SHISA6: variants seen among roughly 807,000 people sequenced by gnomAD.
SHISA6 encodes protein shisa-6.
Under a neutral mutation model 47.9 loss-of-function variants are expected in SHISA6, and 22 were observed. The ratio of observed to expected loss-of-function variants is 0.46; its 90% CI spans 0.33 to 0.66. The LOEUF (loss-of-function observed/expected upper bound fraction) is 0.66, where lower values mean the gene tolerates loss of function less well. SHISA6 is among the 30% of genes least tolerant of loss of function. The pLI, the probability that SHISA6 is intolerant of heterozygous loss-of-function variation, is 0.02. For synonymous variants in SHISA6, 388 were observed against 337.8 expected (o/e 1.15, Z -1.63); for missense variants, 680 against 764.6 (o/e 0.89, Z 1.30).
chr17:11,554,116 G>A (rs990666989), intron 4 of SHISA6, among the ~76,000 whole-genome samples: 6 of 152,202 alleles, frequency 3.9e-5, no homozygotes, highest in African/African-American at 1.4e-4. Context: ...CCAACAGGCA[G>A]AAGGAGGTTC....
chr17:11,414,423 G>T (rs568489920), intron 3 of SHISA6, among the ~76,000 whole-genome samples: 12 of 152,110 alleles, frequency 7.9e-5, no homozygotes, highest in Non-Finnish European at 1.5e-4. Context: ...ATGCCACTGG[G>T]TTCCTGTTGA....
chr17:11,333,794 G>C (rs1044178058), intron 2 of SHISA6, among the ~76,000 whole-genome samples: 1 of 152,148 alleles, frequency 6.6e-6, no homozygotes, highest in African/African-American at 2.4e-5. Flanking sequence ...CAGCACTTTA[G>C]GAGGCCAAGG....
At chr17:11,269,405 T>C (rs1364184142) in intron 2 of SHISA6, among the ~76,000 whole-genome samples, 1 of 152,100 alleles carries the variant, frequency 6.6e-6, no homozygotes, top group Non-Finnish European at 1.5e-5. Flanking sequence ...CAGAACTCCA[T>C]GGGTCAGCGC....
At chr17:11,401,530 G>A (rs974442356) in intron 3 of SHISA6, among the ~76,000 whole-genome samples, 1 of 152,150 alleles carries the variant, frequency 6.6e-6, no homozygotes, top group Non-Finnish European at 1.5e-5. Flanking sequence ...TTTAGAAGGA[G>A]TTTTTGGAAT....
intron 3 of SHISA6, among the ~76,000 whole-genome samples, chr17:11,475,997 C>T (rs1267375638): frequency 6.6e-6 from 1 of 151,912 alleles, no homozygotes; most frequent in Non-Finnish European, 1.5e-5. Context: ...TGTATTTCCT[C>T]TTGTGTGAGT....
intron 3 of SHISA6, among the ~76,000 whole-genome samples, chr17:11,432,853 A>T (rs527611694): frequency 6.6e-6 from 1 of 152,264 alleles, no homozygotes; most frequent in East Asian, 1.9e-4. Flanking sequence ...AGAATAGGCA[A>T]ATCTATAGAA....
intron 2 of SHISA6, among the ~76,000 whole-genome samples, chr17:11,280,023 G>A (rs11650183): frequency 0.22 from 33,749 of 152,108 alleles, 3,821 homozygotes; most frequent in African/African-American, 0.24. Context: ...CAAAAGGGCT[G>A]CTTGGGCGTT....
In SHISA6 at chr17:11,458,413, A is replaced by G. The variant is rs115703683; in HGVS notation, c.895+78904A>G. ...GTTGTCAGGGAATAAAGAAAGCTCA[A>G]TATCCCAAGGAGTGAGCTCTGAGCC... is the stretch of plus-strand genomic sequence containing the variant. On this transcript the variant is annotated intron_variant, in intron 3 of 5. Coordinates refer to ENST00000441885, the MANE Select transcript of SHISA6 (RefSeq NM_207386.4). Among the ~76,000 whole-genome samples, 265 of 152,262 alleles carry G rather than the reference A, an allele frequency of 1.7e-3. 1 individual carries two copies. The highest frequency in any genetic ancestry group is 6.0e-3 in the African/African-American group (250 of 41,548).
At chr17:11,546,322 T>C (rs1176270965) in intron 3 of SHISA6, among the ~76,000 whole-genome samples, 1 of 152,180 alleles carries the variant, frequency 6.6e-6, no homozygotes, top group African/African-American at 2.4e-5. Flanking sequence ...GTCTGGGCTT[T>C]GCGGAGAAGG....
intron 3 of SHISA6, among the ~76,000 whole-genome samples, chr17:11,415,802 G>C (rs1043654701): frequency 1.3e-5 from 2 of 152,064 alleles, no homozygotes; most frequent in African/African-American, 4.8e-5. Flanking sequence ...TTTCCAAACT[G>C]TATTTCCTAG....
chr17:11,394,998 C>CTTTTTTTTTTTTTTTTTT (rs772109588), intron 3 of SHISA6, among the ~76,000 whole-genome samples: 25 of 95,094 alleles, frequency 2.6e-4, no homozygotes, highest in Non-Finnish European at 3.4e-4. Context: ...TTTTTCTTTT[C>CTTTTTTTTTTTTTTTTTT]TTTTTTTTTT....
chr17:11,412,540 T>G (rs943638510), intron 3 of SHISA6, among the ~76,000 whole-genome samples: 2 of 134,450 alleles, frequency 1.5e-5, no homozygotes, highest in Non-Finnish European at 3.1e-5. Context: ...ACACTTAGAC[T>G]TCTTCTTTTT....
At chr17:11,482,252 A>G (rs1916240011) in intron 3 of SHISA6, among the ~76,000 whole-genome samples, 1 of 152,260 alleles carries the variant, frequency 6.6e-6, no homozygotes, top group South Asian at 2.1e-4. Flanking sequence ...TAATTTCAGA[A>G]TAAATCAAGA....
chr17:11,291,526 C>T (rs1003549133), intron 2 of SHISA6, among the ~76,000 whole-genome samples: 19 of 151,764 alleles, frequency 1.3e-4, no homozygotes, highest in African/African-American at 4.6e-4. Context: ...CCCAGCTACT[C>T]GGGAGGCTGA....
At chr17:11,325,824 A>C (rs1910864394) in intron 2 of SHISA6, among the ~76,000 whole-genome samples, 1 of 152,232 alleles carries the variant, frequency 6.6e-6, no homozygotes, top group African/African-American at 2.4e-5. Context: ...TTGATCTCTC[A>C]GTCTTTCCTG....
chr17:11,317,695 G>A (rs1011427390), intron 2 of SHISA6, among the ~76,000 whole-genome samples: 3 of 150,820 alleles, frequency 2.0e-5, no homozygotes, highest in Admixed American at 6.6e-5. Flanking sequence ...CCCTCCCTCC[G>A]TTCTTTCCTT....
intron 2 of SHISA6, among the ~76,000 whole-genome samples, chr17:11,286,547 A>G (rs1909307268): frequency 6.6e-6 from 1 of 152,224 alleles, no homozygotes; most frequent in East Asian, 1.9e-4. Flanking sequence ...CAAGTTATGC[A>G]TTTGAATGAT....
At chr17:11,534,985 A>G (rs2071772984) in intron 3 of SHISA6, among the ~76,000 whole-genome samples, 1 of 151,952 alleles carries the variant, frequency 6.6e-6, no homozygotes. Context: ...AAAATTAGCC[A>G]TGCGTGGTGG....
chr17:11,357,239 G>T (rs991965198), intron 2 of SHISA6, among the ~76,000 whole-genome samples: 1 of 151,632 alleles, frequency 6.6e-6, no homozygotes, highest in Non-Finnish European at 1.5e-5. Flanking sequence ...AAGCAGGGAG[G>T]TTGCAGGGAT....
Sources: allele counts gnomAD v4.1 joint callset (sites outside exome capture counted in the v4.1 genomes callset), GRCh38; gene constraint gnomAD v4.1.1; transcripts MANE v1.5; gene names NCBI Gene and HGNC (gene_info 2026-07-23, HGNC 2026-07-21).